The following RAP1GDS1 variants were observed in gnomAD, a reference collection of about 807,000 sequenced individuals.
RAP1GDS1 encodes RAP1, GTP-GDP dissociation stimulator 1.
In RAP1GDS1, 35 loss-of-function variants were observed where a neutral mutation model predicts 71.1. That is an observed-to-expected ratio of 0.49 (90% confidence interval 0.38 to 0.65). The LOEUF is 0.65. Among genes scored for constraint, RAP1GDS1 ranks in the 30% least tolerant of loss-of-function variants. The probability of loss-of-function intolerance (pLI) is 0.00; values close to 1 mark genes in which losing one functional copy is unlikely to be tolerated. For missense variants in RAP1GDS1, 663 were observed against 706.1 expected (o/e 0.94, Z 0.69); for synonymous variants, 229 against 243.1 (o/e 0.94, Z 0.54).
At chr4:98,271,950 A>C (rs2110232696) in intron 1 of RAP1GDS1, among the ~76,000 whole-genome samples, 1 of 152,280 alleles carries the variant, frequency 6.6e-6, no homozygotes, top group Admixed American at 6.5e-5. Context: ...TCACTTGAAG[A>C]GCTTGTTTTT....
chr4:98,434,514 ATGTCT>A (rs1343105559), intron 13 of RAP1GDS1, among the ~76,000 whole-genome samples: 1 of 151,550 alleles, frequency 6.6e-6, no homozygotes, highest in Non-Finnish European at 1.5e-5. Flanking sequence ...CCTTACTCTA[ATGTCT>A]TGTCTTCTGT....
chr4:98,268,314 T>C (rs938538603), intron 1 of RAP1GDS1, among the ~76,000 whole-genome samples: 4 of 152,132 alleles, frequency 2.6e-5, no homozygotes, highest in African/African-American at 4.8e-5. Flanking sequence ...AGAATGAATA[T>C]GCCTAAACAT....
chr4:98,443,008 G>C lies in RAP1GDS1; in HGVS notation c.*891G>C. On this transcript the variant is annotated 3_prime_UTR_variant, in exon 15 of 15. Transcript: ENST00000408927. ...AGGAAATTGAGTATAGTTCATTGAA[G>C]AATGGAATTTTTTTTTTTTTTTTTT... The C allele has an allele frequency of 6.1e-6, 1 of 164,944 alleles. No homozygotes were observed. Among genetic ancestry groups the C allele is most frequent in the Non-Finnish European group, 1.1e-5 (1 of 90,336 alleles). 10.2% of individuals were successfully genotyped at this position (164,944 alleles called of 1,614,324 possible). A position where few individuals can be genotyped will look rare whatever the true frequency, so the allele number is the denominator to read the frequency against.
intron 10 of RAP1GDS1, 66 bp downstream of exon 10, chr4:98,418,857 C>T: frequency 2.8e-6 from 4 of 1,424,420 alleles, no homozygotes; most frequent in Non-Finnish European, 2.8e-6. Context: ...AAGCTATTAA[C>T]TGTATGTGAT....
intron 2 of RAP1GDS1, among the ~76,000 whole-genome samples, chr4:98,318,451 G>A (rs1035163252): frequency 6.6e-6 from 1 of 152,134 alleles, no homozygotes; most frequent in Admixed American, 6.6e-5. Flanking sequence ...ACAATATACT[G>A]TAATAAAAGT....
At chr4:98,423,867 G>A (rs1489392017) in intron 12 of RAP1GDS1, among the ~76,000 whole-genome samples, 1 of 152,056 alleles carries the variant, frequency 6.6e-6, no homozygotes, top group Non-Finnish European at 1.5e-5. Context: ...TTAGAAAGAT[G>A]TCTCTAGGGT....
intron 1 of RAP1GDS1, among the ~76,000 whole-genome samples, chr4:98,278,565 G>C (rs1216720436): frequency 6.6e-6 from 1 of 152,166 alleles, no homozygotes; most frequent in Non-Finnish European, 1.5e-5. Context: ...TAATCAGAAT[G>C]ATATAAGAAA....
chr4:98,337,774 G>T (rs929757935), intron 2 of RAP1GDS1, among the ~76,000 whole-genome samples: 1 of 152,196 alleles, frequency 6.6e-6, no homozygotes, highest in Non-Finnish European at 1.5e-5. Context: ...GGAACATCAT[G>T]TGCAGAAAGG....
chr4:98,377,871 A>C (rs981196635), intron 4 of RAP1GDS1, among the ~76,000 whole-genome samples: 7 of 151,868 alleles, frequency 4.6e-5, no homozygotes, highest in African/African-American at 1.7e-4. Flanking sequence ...CTACTAGCCA[A>C]ATTTAGCTAC....
intron 1 of RAP1GDS1, among the ~76,000 whole-genome samples, chr4:98,263,900 T>C (rs1216266231): frequency 6.6e-6 from 1 of 152,178 alleles, no homozygotes. Flanking sequence ...ATCTGTTTCC[T>C]TCTAAACTCT....
intron 6 of RAP1GDS1, among the ~76,000 whole-genome samples, chr4:98,393,625 G>A (rs2110131394): frequency 6.6e-6 from 1 of 152,260 alleles, no homozygotes; most frequent in East Asian, 1.9e-4. Context: ...AAAGAGTGCA[G>A]GTACTTTGCT....
chr4:98,372,105 C>G (rs1195177399), intron 4 of RAP1GDS1, among the ~76,000 whole-genome samples: 1 of 152,014 alleles, frequency 6.6e-6, no homozygotes, highest in Non-Finnish European at 1.5e-5. Flanking sequence ...CTCTTTCCCT[C>G]TTTGTCCGCC....
chr4:98,390,647 G>A (rs1743471781), intron 5 of RAP1GDS1, among the ~76,000 whole-genome samples: 4 of 151,924 alleles, frequency 2.6e-5, no homozygotes, highest in Admixed American at 2.6e-4. Flanking sequence ...AGACCACCAG[G>A]CAATAATGAA....
chr4:98,402,483 TC>T (rs1745571278), intron 6 of RAP1GDS1, among the ~76,000 whole-genome samples: 1 of 152,120 alleles, frequency 6.6e-6, no homozygotes, highest in African/African-American at 2.4e-5. Flanking sequence ...TTACTTTTTT[TC>T]CCCCTTGGCA....
intron 7 of RAP1GDS1, among the ~76,000 whole-genome samples, chr4:98,411,130 A>G (rs935486078): frequency 6.6e-6 from 1 of 152,370 alleles, no homozygotes; most frequent in Admixed American, 6.5e-5. Flanking sequence ...ACATTCATAC[A>G]TATGTGTGTA....
chr4:98,324,661 G>A (rs1732638962), intron 2 of RAP1GDS1, among the ~76,000 whole-genome samples: 1 of 143,950 alleles, frequency 6.9e-6, no homozygotes, highest in African/African-American at 2.7e-5. Flanking sequence ...AGAAAAACAA[G>A]CAATGGGGAA....
At chr4:98,437,090 G>T (rs1484718654) in intron 14 of RAP1GDS1, 22 bp downstream of exon 14, 2 of 1,567,886 alleles carry the variant, frequency 1.3e-6, no homozygotes, top group Admixed American at 3.9e-5. Flanking sequence ...TCTATCATTT[G>T]ATGTCCATAA....
intron 1 of RAP1GDS1, among the ~76,000 whole-genome samples, chr4:98,278,709 C>T (rs1423350191): frequency 1.3e-5 from 2 of 152,050 alleles, no homozygotes; most frequent in Non-Finnish European, 2.9e-5. Flanking sequence ...TTAAGAACCA[C>T]AGAATAGATT....
chr4:98,419,688 C>T (rs1462090450), intron 10 of RAP1GDS1, among the ~76,000 whole-genome samples: 3 of 152,060 alleles, frequency 2.0e-5, no homozygotes, highest in Admixed American at 6.5e-5. Flanking sequence ...GGATCAAAAA[C>T]GGAATTGTGC....
Sources: allele counts gnomAD v4.1 joint callset (sites outside exome capture counted in the v4.1 genomes callset), GRCh38; gene constraint gnomAD v4.1.1; transcripts MANE v1.5; gene names NCBI Gene and HGNC (gene_info 2026-07-23, HGNC 2026-07-21).